The following PCDHGA10 variants were observed in gnomAD, a reference collection of about 807,000 sequenced individuals.
PCDHGA10 encodes the protein protocadherin gamma subfamily A, 10.
A neutral mutation model predicts 59.5 loss-of-function variants in PCDHGA10; 42 were observed. The ratio of observed to expected loss-of-function variants is 0.71; its 90% CI spans 0.55 to 0.91. The LOEUF (loss-of-function observed/expected upper bound fraction) is 0.91, where lower values mean the gene tolerates loss of function less well. Ranked by LOEUF, PCDHGA10 falls within the 40% of genes least tolerant of loss-of-function variation. The pLI is 0.00. For synonymous variants in PCDHGA10, 511 were observed against 517.2 expected (o/e 0.99, Z 0.16); for missense variants, 1,111 against 1,198.2 (o/e 0.93, Z 1.07).
intron 1 of PCDHGA10, among the ~76,000 whole-genome samples, chr5:141,452,815 A>G (rs1199990390): frequency 6.6e-6 from 1 of 152,186 alleles, no homozygotes; most frequent in Admixed American, 6.5e-5. Flanking sequence ...TTTGTTCATA[A>G]GAAGCAAAAT....
chr5:141,487,623 C>T lies in PCDHGA10; in HGVS notation c.2437-7184C>T, dbSNP rs2099654624. On this transcript the variant is annotated intron_variant, in intron 1 of 3. Coordinates refer to ENST00000398610, the MANE Select transcript of PCDHGA10 (RefSeq NM_018913.3). This position sits in a 1 kb window ranked among gnomAD's most constrained non-coding sequence, Gnocchi z 5.0. The stretch of plus-strand genomic sequence containing the variant: ...CTTCTCTATGGGCTAGAGGTGAGAC[C>T]TTTGCAGGCTCAACAAATGCTTGAG... 6.2e-7 allele frequency: 1 copy of T among 1,614,088 alleles called. No individual in the cohort carries two copies. The highest frequency in any genetic ancestry group is 1.3e-5 in the African/African-American group (1 of 74,930).
At chr5:141,467,055 C>CTTTTTTTTTTT (rs1193465269) in intron 1 of PCDHGA10, among the ~76,000 whole-genome samples, 1 of 134,498 alleles carries the variant, frequency 7.4e-6, no homozygotes, top group Non-Finnish European at 1.6e-5. Context: ...TCAATGTTTT[C>CTTTTTTTTTTT]TTTTTTTTTT....
In PCDHGA10 at chr5:141,476,628, C is replaced by T. The variant is rs899753438; in HGVS notation, c.2437-18179C>T. 6.2e-6 allele frequency: 10 copies of T among 1,614,160 alleles called. No individual in the cohort carries two copies. The highest frequency in any genetic ancestry group is 7.6e-6 in the Non-Finnish European group (9 of 1,180,068). On this transcript the variant is annotated intron_variant, in intron 1 of 3. Coordinates refer to ENST00000398610, the MANE Select transcript of PCDHGA10 (RefSeq NM_018913.3). The surrounding 1 kb of genome is among the most constrained non-coding windows in gnomAD (Gnocchi z 7.6). ...GATGTGGGAAGCAACTCTTTACAAACCTATGAGCTGAGCCGAAATGAATAC... is the reference window on the plus strand; with the variant it reads ...GATGTGGGAAGCAACTCTTTACAAATCTATGAGCTGAGCCGAAATGAATAC...
Position 141,419,699 on chromosome 5 carries a change from C to G in PCDHGA10, c.2436+4088C>G, listed in dbSNP as rs1488905080. ...CTACCACGTGGTGCAGGCCAGTGAG[C>G]CCGGGCTCTTCAGCCTGGGGCTGCG... On this transcript the variant is annotated intron_variant, in intron 1 of 3. Coordinates refer to ENST00000398610, the MANE Select transcript of PCDHGA10 (RefSeq NM_018913.3). The G allele has an allele frequency of 5.6e-6, 9 of 1,612,806 alleles. No homozygotes were observed. The East Asian group carries it at 1.8e-4, about 32-fold the overall frequency.
intron 1 of PCDHGA10, chr5:141,478,331 G>C: frequency 6.2e-7 from 1 of 1,613,956 alleles, no homozygotes; most frequent in Non-Finnish European, 8.5e-7. Context: ...CCGAACACCA[G>C]GGCCCTCCTT....
At chr5:141,452,839 C>A (rs939513310) in intron 1 of PCDHGA10, among the ~76,000 whole-genome samples, 2 of 152,092 alleles carry the variant, frequency 1.3e-5, no homozygotes, top group Non-Finnish European at 2.9e-5. Flanking sequence ...TTGGTCCAGC[C>A]CACACTCTGG....
intron 1 of PCDHGA10, chr5:141,420,114 A>G: frequency 6.2e-7 from 1 of 1,614,032 alleles, no homozygotes; most frequent in Non-Finnish European, 8.5e-7. Context: ...CCCTATGCCT[A>G]TAATTTTTGT....
At chr5:141,420,501 A>T in intron 1 of PCDHGA10, 1 of 469,392 alleles carries the variant, frequency 2.1e-6, no homozygotes, top group East Asian at 4.1e-5. Context: ...CTCCGGTGAC[A>T]TTTTTATGAA....
In PCDHGA10 at chr5:141,511,367, G is replaced by A. The variant is rs563286583; in HGVS notation, c.*194G>A. ...CCTTCCCCCCCAGGGGGTTGAATAT[G>A]CAAAAGCAGTTCCGCTGGGAACCCC... On this transcript the variant is annotated 3_prime_UTR_variant, in exon 4 of 4. Coordinates refer to ENST00000398610, the MANE Select transcript of PCDHGA10 (RefSeq NM_018913.3). 2.3e-6 allele frequency: 3 copies of A among 1,299,952 alleles called. No individual in the cohort carries two copies. Among genetic ancestry groups the A allele is most frequent in the Non-Finnish European group, 3.1e-6 (3 of 967,442 alleles). 80.5% of individuals were successfully genotyped at this position (1,299,952 alleles called of 1,614,324 possible).
At position 141,487,030 on chromosome 5, in the gene PCDHGA10, T is replaced by C. The variant is rs773121109; in HGVS notation, c.2437-7777T>C. Reference sequence around the variant, plus strand: ...TGGAGGCCCCAGATCCCAGCCTGTTTGCAGTCTCTCGATATGCTGGGGAGG... The same window carrying C: ...TGGAGGCCCCAGATCCCAGCCTGTTCGCAGTCTCTCGATATGCTGGGGAGG... On this transcript the variant is annotated intron_variant, in intron 1 of 3. Coordinates refer to ENST00000398610, the MANE Select transcript of PCDHGA10 (RefSeq NM_018913.3). The surrounding 1 kb of genome is among the most constrained non-coding windows in gnomAD (Gnocchi z 5.0). 12 of 1,614,100 alleles carry C rather than the reference T, an allele frequency of 7.4e-6. No homozygotes were observed. Among genetic ancestry groups the C allele is most frequent in the Non-Finnish European group, 1.0e-5 (12 of 1,180,044 alleles).
At chr5:141,502,724 C>T (rs1288841230) in intron 2 of PCDHGA10, among the ~76,000 whole-genome samples, 2 of 152,134 alleles carry the variant, frequency 1.3e-5, no homozygotes, top group African/African-American at 4.8e-5. Context: ...GATTACAAAG[C>T]GGTGATGTTC....
At position 141,450,006 on chromosome 5, in the gene PCDHGA10, C is replaced by CTTTTT. The variant is rs1554136305; in HGVS notation, c.2436+34409_2436+34413dup. ...CACATTGCATTTAGTTGCCATGTCTCTTTTTTTTTTTTTTTTTTGAGACAG... is the reference window on the plus strand; with the variant it reads ...CACATTGCATTTAGTTGCCATGTCTCTTTTTTTTTTTTTTTTTTTTTTTGAGACAG... On this transcript the variant is annotated intron_variant, in intron 1 of 3. Transcript: ENST00000398610. Among the ~76,000 whole-genome samples the CTTTTT allele has an allele frequency of 3.4e-4, 45 of 132,908 alleles. 3 individuals carry two copies. Among genetic ancestry groups the CTTTTT allele is most frequent in the South Asian group, 7.1e-4 (3 of 4,236 alleles). 87.2% of individuals were successfully genotyped at this position (132,908 alleles called of 152,430 possible).
chr5:141,476,061 C>T lies in PCDHGA10; in HGVS notation c.2437-18746C>T. On this transcript the variant is annotated intron_variant, in intron 1 of 3. Coordinates refer to ENST00000398610, the MANE Select transcript of PCDHGA10 (RefSeq NM_018913.3). The surrounding 1 kb of genome is among the most constrained non-coding windows in gnomAD (Gnocchi z 7.6). Reference sequence around the variant, plus strand: ...AAGCGCTAACCCGCTGAAAGTTTCTCAGCGAAATCTCAGGGACGATCTGGA... The same window carrying T: ...AAGCGCTAACCCGCTGAAAGTTTCTTAGCGAAATCTCAGGGACGATCTGGA... The T allele has an allele frequency of 6.6e-7, 1 of 1,508,880 alleles. No homozygotes were observed. Among genetic ancestry groups the T allele is most frequent in the Non-Finnish European group, 8.8e-7 (1 of 1,136,354 alleles). 93.5% of individuals were successfully genotyped at this position (1,508,880 alleles called of 1,614,324 possible).
Position 141,487,893 on chromosome 5 carries a change from G to A in PCDHGA10, c.2437-6914G>A. Reference sequence around the variant, plus strand: ...AGCCAGGCTGTTGTGGAAGCATGATGATGGAATGTGGGAGCACAGGAGGCT... The same window carrying A: ...AGCCAGGCTGTTGTGGAAGCATGATAATGGAATGTGGGAGCACAGGAGGCT... On this transcript the variant is annotated intron_variant, in intron 1 of 3. Coordinates refer to ENST00000398610, the MANE Select transcript of PCDHGA10 (RefSeq NM_018913.3). The surrounding 1 kb of genome is among the most constrained non-coding windows in gnomAD (Gnocchi z 5.0). The A allele has an allele frequency of 1.4e-6, 1 of 731,472 alleles. No individual in the cohort carries two copies. The highest frequency in any genetic ancestry group is 2.2e-6 in the Non-Finnish European group (1 of 450,166). 45.3% of individuals were successfully genotyped at this position (731,472 alleles called of 1,614,324 possible). A position where few individuals can be genotyped will look rare whatever the true frequency, so the allele number is the denominator to read the frequency against.
chr5:141,507,616 G>A (rs1288020739), intron 3 of PCDHGA10, among the ~76,000 whole-genome samples: 3 of 152,252 alleles, frequency 2.0e-5, no homozygotes, highest in Non-Finnish European at 4.4e-5. Context: ...GGTATATTTA[G>A]CTGTTGTGGC....
At chr5:141,503,023 A>AAT (rs2099817696) in intron 2 of PCDHGA10, among the ~76,000 whole-genome samples, 1 of 141,888 alleles carries the variant, frequency 7.0e-6, no homozygotes, top group African/African-American at 2.6e-5. Context: ...TTTTTTTTTT[A>AAT]ATATCTATTT....
chr5:141,458,970 C>T (rs1260904595), intron 1 of PCDHGA10, among the ~76,000 whole-genome samples: 1 of 152,170 alleles, frequency 6.6e-6, no homozygotes, highest in Admixed American at 6.6e-5. Flanking sequence ...CAGCCTCAAG[C>T]AGTCCTCCTG....
At position 141,490,852 on chromosome 5, in the gene PCDHGA10, G is replaced by A. The variant is rs759198428; in HGVS notation, c.2437-3955G>A. 2 of 1,613,896 alleles carry A rather than the reference G, an allele frequency of 1.2e-6. No individual in the cohort carries two copies. Among genetic ancestry groups the A allele is most frequent in the Non-Finnish European group, 1.7e-6 (2 of 1,179,928 alleles). ...GCTGCAGATTGTGGTGGGGGTTCGA[G>A]ACTCCGGCTCTCCCCCATTGCATGC... On this transcript the variant is annotated intron_variant, in intron 1 of 3. Transcript: ENST00000398610. The surrounding 1 kb of genome is among the most constrained non-coding windows in gnomAD (Gnocchi z 5.4).
chr5:141,494,431 T>C (rs1403792155), intron 1 of PCDHGA10, among the ~76,000 whole-genome samples: 1 of 152,158 alleles, frequency 6.6e-6, no homozygotes, highest in Non-Finnish European at 1.5e-5. Context: ...TTGAAAAGCC[T>C]CCTTTGCCAC....
Sources: allele counts gnomAD v4.1 joint callset (sites outside exome capture counted in the v4.1 genomes callset), GRCh38; gene constraint gnomAD v4.1.1; non-coding constraint Gnocchi (gnomAD v3.1); transcripts MANE v1.5; gene names NCBI Gene and HGNC (gene_info 2026-07-23, HGNC 2026-07-21).